The following EYA4 variants were observed in gnomAD, a reference collection of about 807,000 sequenced individuals.
The protein encoded by EYA4 is protein phosphatase EYA4.
A neutral mutation model predicts 87.9 loss-of-function variants in EYA4; 31 were observed. That is an observed-to-expected ratio of 0.35 (90% CI 0.27 to 0.48). EYA4 has a LOEUF of 0.48. Ranked by LOEUF, EYA4 falls within the 20% of genes least tolerant of loss-of-function variation. The probability of loss-of-function intolerance (pLI) is 0.99; values close to 1 mark genes in which losing one functional copy is unlikely to be tolerated. For missense variants in EYA4, 678 were observed against 761.4 expected (o/e 0.89, Z 1.29); for synonymous variants, 263 against 270.6 (o/e 0.97, Z 0.28).
chr6:133,464,366 G>A (rs926408952), intron 9 of EYA4, among the ~76,000 whole-genome samples: 3 of 152,108 alleles, frequency 2.0e-5, no homozygotes, highest in East Asian at 1.9e-4. Flanking sequence ...TATTTCCCAC[G>A]CTAAAAACCC....
intron 3 of EYA4, among the ~76,000 whole-genome samples, chr6:133,394,305 T>A (rs868159469): frequency 7.1e-5 from 6 of 84,126 alleles, no homozygotes; most frequent in South Asian, 9.4e-4. Context: ...TTTTTTTTTT[T>A]TTTTTTTTTT....
rs553683951 is a variant in EYA4 at position 133,270,037 on chromosome 6, T to C, written c.-65-4679T>C. ...CTCTTTTTCACATTTTTCTACCTGC[T>C]TTATATTCACTGGCAGCGGATTAGA... On this transcript the variant is annotated intron_variant, in intron 1 of 19. Coordinates refer to ENST00000355286, the MANE Select transcript of EYA4 (RefSeq NM_004100.5). 4.6e-5 allele frequency among the ~76,000 whole-genome samples: 7 copies of C among 152,324 alleles called. No individual in the cohort carries two copies. In the East Asian group the frequency reaches 1.4e-3, roughly 29 times the overall value.
chr6:133,264,959 C>T (rs1293850924), intron 1 of EYA4, among the ~76,000 whole-genome samples: 1 of 152,276 alleles, frequency 6.6e-6, no homozygotes, highest in South Asian at 2.1e-4. Flanking sequence ...GTGTACTTCT[C>T]TACAAACTTC....
intron 2 of EYA4, among the ~76,000 whole-genome samples, chr6:133,335,829 G>A (rs770181457): frequency 6.6e-6 from 1 of 152,018 alleles, no homozygotes; most frequent in Non-Finnish European, 1.5e-5. Context: ...CCACATTTAG[G>A]GTCTTTTTTG....
At chr6:133,308,127 A>C (rs914631599) in intron 2 of EYA4, among the ~76,000 whole-genome samples, 6 of 152,186 alleles carry the variant, frequency 3.9e-5, no homozygotes, top group Admixed American at 3.9e-4. Context: ...ACTGTGAGTC[A>C]GTTAAACTTC....
chr6:133,497,854 A>G (rs1797766975), intron 13 of EYA4, among the ~76,000 whole-genome samples: 3 of 152,194 alleles, frequency 2.0e-5, no homozygotes, highest in Non-Finnish European at 4.4e-5. Context: ...AGCCCAAGTC[A>G]GGGGGAAAAA....
chr6:133,320,255 C>T (rs1780979062), intron 2 of EYA4, among the ~76,000 whole-genome samples: 1 of 146,420 alleles, frequency 6.8e-6, no homozygotes, highest in South Asian at 2.1e-4. Flanking sequence ...GCATGGTTTT[C>T]TTTCTTTAGG....
chr6:133,521,874 C>G (rs1210892746), intron 17 of EYA4, among the ~76,000 whole-genome samples: 1 of 138,404 alleles, frequency 7.2e-6, no homozygotes, highest in East Asian at 2.2e-4. Flanking sequence ...AACAAAAAAC[C>G]AAACACTGCA....
At chr6:133,255,149 A>G (rs2128236106) in intron 1 of EYA4, among the ~76,000 whole-genome samples, 1 of 152,328 alleles carries the variant, frequency 6.6e-6, no homozygotes, top group Non-Finnish European at 1.5e-5. Context: ...GCCCACTATA[A>G]AAGCTCAGGT....
At chr6:133,489,428 C>A (rs753761218) in intron 13 of EYA4, among the ~76,000 whole-genome samples, 10 of 151,806 alleles carry the variant, frequency 6.6e-5, no homozygotes, top group Non-Finnish European at 1.0e-4. Flanking sequence ...TAAAATTTAA[C>A]CCAAAAAAGA....
chr6:133,270,482 A>G (rs1334367205), intron 1 of EYA4, among the ~76,000 whole-genome samples: 1 of 152,206 alleles, frequency 6.6e-6, no homozygotes, highest in Non-Finnish European at 1.5e-5. Flanking sequence ...ATGCACAAAC[A>G]TGTTTTTAAC....
chr6:133,502,855 A>G (rs1272069938), intron 13 of EYA4, among the ~76,000 whole-genome samples: 2 of 152,174 alleles, frequency 1.3e-5, no homozygotes, highest in African/African-American at 2.4e-5. Flanking sequence ...CTCTCTTTCA[A>G]TAGGCCTTGC....
chr6:133,502,893 T>G (rs1194622993), intron 13 of EYA4, among the ~76,000 whole-genome samples: 1 of 152,178 alleles, frequency 6.6e-6, no homozygotes, highest in East Asian at 1.9e-4. Flanking sequence ...AAAATACAGC[T>G]AGTTCACACT....
At chr6:133,470,408 C>A (rs1409657224) in intron 11 of EYA4, among the ~76,000 whole-genome samples, 1 of 77,094 alleles carries the variant, frequency 1.3e-5, no homozygotes. Context: ...TGTAGATAGG[C>A]GGCATTATTT....
At chr6:133,477,908 G>GACAA (rs1234474394) in intron 11 of EYA4, among the ~76,000 whole-genome samples, 12 of 151,442 alleles carry the variant, frequency 7.9e-5, no homozygotes, top group Admixed American at 2.0e-4. Context: ...ATAAGAAAAA[G>GACAA]ACAAACAGCC....
intron 3 of EYA4, among the ~76,000 whole-genome samples, chr6:133,433,803 A>G (rs1228186576): frequency 6.6e-6 from 1 of 152,240 alleles, no homozygotes; most frequent in African/African-American, 2.4e-5. Flanking sequence ...GATGGCATTT[A>G]GGAGAAACAC....
intron 17 of EYA4, among the ~76,000 whole-genome samples, chr6:133,519,034 A>G (rs1799861284): frequency 6.6e-6 from 1 of 151,514 alleles, no homozygotes; most frequent in South Asian, 2.1e-4. Flanking sequence ...AATGCCCACA[A>G]GAGAAAGCAG....
intron 3 of EYA4, among the ~76,000 whole-genome samples, chr6:133,412,850 G>A (rs9483581): frequency 0.083 from 12,652 of 151,972 alleles, 720 homozygotes; most frequent in South Asian, 0.16. Flanking sequence ...CCTCTTCATC[G>A]GACTTCCTTT....
Position 133,529,445 on chromosome 6 carries a change from C to T in EYA4, c.*640C>T. On this transcript the variant is annotated 3_prime_UTR_variant, in exon 20 of 20. Coordinates refer to ENST00000355286, the MANE Select transcript of EYA4 (RefSeq NM_004100.5). The stretch of plus-strand genomic sequence containing the variant: ...AAGTTTGGCAAACAGAATGTTCATA[C>T]TGATGTGTTGTGCCTTAAAGACAAG... 1 of 987,890 alleles carries T rather than the reference C, an allele frequency of 1.0e-6. No individual in the cohort carries two copies. Among genetic ancestry groups the T allele is most frequent in the Non-Finnish European group, 1.2e-6 (1 of 831,844 alleles). The allele number at this position is 987,890 out of a possible 1,614,324, so 61.2% of individuals were successfully genotyped here. A position where few individuals can be genotyped will look rare whatever the true frequency, so the allele number is the denominator to read the frequency against.
Sources: gnomAD v4.1 joint callset for allele counts (sites outside exome capture counted in the v4.1 genomes callset) on GRCh38, gnomAD v4.1.1 for gene constraint, MANE v1.5 for transcripts, NCBI Gene and HGNC (gene_info 2026-07-23, HGNC 2026-07-21) for gene names.